MX2: variants seen among roughly 807,000 people sequenced by gnomAD.
MX2 encodes interferon-induced GTP-binding protein Mx2.
MX2 carries 51 observed loss-of-function variants against 74.0 expected under a neutral mutation model. The observed-to-expected ratio is 0.69, with a 90% CI of 0.55 to 0.87. The LOEUF (loss-of-function observed/expected upper bound fraction) is 0.87, where lower values mean the gene tolerates loss of function less well. MX2 is among the 40% of genes least tolerant of loss of function. MX2 has a pLI of 0.00. For missense variants in MX2, 832 were observed against 908.7 expected, an observed-to-expected ratio of 0.92 and a Z score of 1.09; for synonymous variants, 369 against 339.3, an observed-to-expected ratio of 1.09 and a Z score of -0.96.
In MX2 at chr21:41,390,663, C is replaced by T. The variant is rs996135850; in HGVS notation, c.831C>T (p.Ser277=). The change falls in exon 6 of 14, where the codon AGC becomes AGT. Residue 277 remains serine, a synonymous_variant. Transcript: ENST00000330714. ...ACATTGCCACCACGGAGGCGCTGAG[C>T]ATGGCCCATGAGGTGGACCCGGAAG... ...NVDIATTEAL[S]MAHEVDPEGD... 4 of 1,614,056 alleles carry T rather than the reference C, an allele frequency of 2.5e-6. No individual in the cohort carries two copies. Among genetic ancestry groups the T allele is most frequent in the Admixed American group, 1.7e-5 (1 of 60,000 alleles).
chr21:41,406,207 C>T (rs996221125), intron 12 of MX2, among the ~76,000 whole-genome samples: 1 of 152,172 alleles, frequency 6.6e-6, no homozygotes, highest in African/African-American at 2.4e-5. Context: ...AGGTTGGTCT[C>T]GAGCTCCTGA....
At chr21:41,383,878 T>C (rs2089532224) in intron 5 of MX2, among the ~76,000 whole-genome samples, 1 of 152,168 alleles carries the variant, frequency 6.6e-6, no homozygotes, top group Admixed American at 6.5e-5. Flanking sequence ...CATCAAGTTA[T>C]GGGATTTCCT....
rs1300000058 is a variant in MX2, at chr21:41,368,387, C to T, written c.-72+6332C>T. 2.0e-5 allele frequency among the ~76,000 whole-genome samples: 3 copies of T among 152,168 alleles called. No homozygotes were observed. Among genetic ancestry groups the T allele is most frequent in the African/African-American group, 7.2e-5 (3 of 41,432 alleles). ...GGTTCACCAGGCACACACCAGACAA[C>T]CCGAAACCTACATTCCTTACTCAAC... On this transcript the variant is annotated intron_variant, in intron 1 of 13. Transcript: ENST00000330714. The surrounding 1 kb of genome is among the most constrained non-coding windows in gnomAD (Gnocchi z 4.6).
intron 6 of MX2, 143 bp from the exon 7 acceptor site, chr21:41,395,444 G>A (rs2145941425): frequency 1.5e-6 from 1 of 663,108 alleles, no homozygotes; most frequent in East Asian, 2.7e-5. Context: ...GGCAATGAGG[G>A]AATGAGGATG....
At chr21:41,375,379 G>A (rs1444932081) in intron 1 of MX2, among the ~76,000 whole-genome samples, 1 of 152,258 alleles carries the variant, frequency 6.6e-6, no homozygotes, top group Non-Finnish European at 1.5e-5. Flanking sequence ...CATGGCAAAA[G>A]ACCACAGACT....
At chr21:41,375,660 T>C (rs924602907) in intron 1 of MX2, among the ~76,000 whole-genome samples, 1 of 152,224 alleles carries the variant, frequency 6.6e-6, no homozygotes, top group African/African-American at 2.4e-5. Context: ...ACACCTGTGA[T>C]GAGATTTAGG....
intron 6 of MX2, among the ~76,000 whole-genome samples, chr21:41,395,002 G>C (rs547885782): frequency 2.7e-4 from 40 of 150,364 alleles, no homozygotes; most frequent in African/African-American, 9.3e-4. Context: ...AAGGAAGGAA[G>C]GAAAGAAGGA....
chr21:41,401,048 T>C (rs183290185), intron 10 of MX2: 9 of 152,232 alleles, frequency 5.9e-5, no homozygotes, highest in Admixed American at 4.6e-4. Flanking sequence ...AGAACTCACT[T>C]ACCATCATGA....
At chr21:41,385,386 T>C (rs1349748966) in intron 5 of MX2, among the ~76,000 whole-genome samples, 2 of 152,212 alleles carry the variant, frequency 1.3e-5, no homozygotes, top group Admixed American at 6.5e-5. Flanking sequence ...AATTGAATCA[T>C]GTGGGCAGGT....
chr21:41,407,481 C>T (rs13048056), intron 13 of MX2, among the ~76,000 whole-genome samples: 12,252 of 152,152 alleles, frequency 0.081, 594 homozygotes, highest in Non-Finnish European at 0.1. Flanking sequence ...ACTGTCTATC[C>T]AATATGCAAG....
intron 13 of MX2, 141 bp downstream of exon 13, chr21:41,407,139 C>A: frequency 1.3e-6 from 1 of 753,928 alleles, no homozygotes; most frequent in Non-Finnish European, 2.0e-6. Flanking sequence ...TTATGATAAA[C>A]TACTTATATA....
intron 3 of MX2, among the ~76,000 whole-genome samples, chr21:41,378,529 C>A (rs2089445382): frequency 6.6e-6 from 1 of 152,206 alleles, no homozygotes; most frequent in Non-Finnish European, 1.5e-5. Flanking sequence ...ACAGGCGAAG[C>A]CTTCTTAAAG....
At chr21:41,390,849 C>A in intron 6 of MX2, 146 bp downstream of exon 6, 1 of 891,442 alleles carries the variant, frequency 1.1e-6, no homozygotes, top group Non-Finnish European at 1.6e-6. Flanking sequence ...ACTAAAAATA[C>A]AAAAAAATTA....
rs773682554 is a variant in MX2 at position 41,398,968 on chromosome 21, C to T, written c.1221C>T (p.Cys407=). 1.2e-5 allele frequency: 19 copies of T among 1,614,024 alleles called. No individual in the cohort carries two copies. In the South Asian group the frequency reaches 1.2e-4, roughly 10 times the overall value. ...HQKATEELRR[C]GADIPSQEAD... is the part of the protein sequence containing the mutation. ...AGGCGACCGAGGAGCTGCGGCGTTG[C>T]GGGGCTGACATCCCCAGCCAGGAGG... Residue 407 remains cysteine (C), a synonymous_variant, in exon 9 of 14, where the codon TGC becomes TGT. Transcript: ENST00000330714.
intron 4 of MX2, 136 bp from the exon 5 acceptor site, chr21:41,382,274 T>C (rs2089506518): frequency 8.7e-7 from 1 of 1,149,418 alleles, no homozygotes; most frequent in East Asian, 2.6e-5. Context: ...CAGGCTTCTC[T>C]GAAATGTTTT....
At chr21:41,399,040 C>A (rs1346036583) in intron 9 of MX2, 21 bp downstream of exon 9, 2 of 1,607,440 alleles carry the variant, frequency 1.2e-6, no homozygotes, top group East Asian at 2.2e-5. Flanking sequence ...CCGCAGGACT[C>A]CACGTGACAC....
rs1295869833 is a variant in MX2, at chr21:41,402,011, C to T, written c.1456C>T (p.Gln486Ter). The T allele has an allele frequency of 1.9e-6, 3 of 1,613,814 alleles. No individual in the cohort carries two copies. Among genetic ancestry groups the T allele is most frequent in the Non-Finnish European group, 2.5e-6 (3 of 1,179,974 alleles). The change falls in exon 11 of 14, where the codon CAG (glutamine) becomes TAG (stop). Residue 486 changes from glutamine to a stop codon, truncating the protein, a stop_gained. Coordinates refer to ENST00000330714, the MANE Select transcript of MX2 (RefSeq NM_002463.2). LOFTEE classifies it high-confidence loss of function. This position sits in a 1 kb window ranked among gnomAD's most constrained non-coding sequence, Gnocchi z 4.5. ...CGAAGAAGTTGAAAAATATGAAAAG[C>T]AGTATCGAGGCAAGGAGCTTCTGGG... ...IHEEVEKYEK[Q>*]YRGKELLGFV...
chr21:41,376,439 G>C (rs147310110), intron 1 of MX2, among the ~76,000 whole-genome samples: 4 of 152,194 alleles, frequency 2.6e-5, no homozygotes, highest in African/African-American at 9.6e-5. Context: ...CCAACTACTC[G>C]GTAAGCTGAG....
Position 41,377,097 on chromosome 21 carries a change from A to G in MX2, c.191A>G (p.Asn64Ser), listed in dbSNP as rs749151701. 1 of 1,614,222 alleles carries G rather than the reference A, an allele frequency of 6.2e-7. No individual in the cohort carries two copies. Among genetic ancestry groups the G allele is most frequent in the Non-Finnish European group, 8.5e-7 (1 of 1,180,036 alleles). ...KDAAFLAKDF[N>S]FLTLNNQPPP... ...GCTGCTTTCCTCGCCAAGGACTTCA[A>G]CTTTCTCACTTTGAACAATCAGCCA... is the stretch of plus-strand genomic sequence containing the variant. Residue 64 changes from asparagine (N) to serine (S), a missense_variant, in exon 2 of 14, where the codon AAC (asparagine) becomes AGC (serine). By Grantham distance (46) the Asn-to-Ser change is conservative. Coordinates refer to ENST00000330714, the MANE Select transcript of MX2 (RefSeq NM_002463.2).
Sources: allele counts gnomAD v4.1 joint callset (sites outside exome capture counted in the v4.1 genomes callset), GRCh38; gene constraint gnomAD v4.1.1; non-coding constraint Gnocchi (gnomAD v3.1); transcripts MANE v1.5; gene names NCBI Gene and HGNC (gene_info 2026-07-23, HGNC 2026-07-21).